Variants in ALAS1 observed in about 807,000 individuals in gnomAD.
ALAS1 encodes 5'-aminolevulinate synthase 1, also known as 5-aminolevulinate synthase, non-specific, mitochondrial.
Under a neutral mutation model 59.6 loss-of-function variants are expected in ALAS1, and 29 were observed. The ratio of observed to expected loss-of-function variants is 0.49; its 90% confidence interval spans 0.36 to 0.66. ALAS1 has a LOEUF of 0.66. Among genes scored for constraint, ALAS1 ranks in the 30% least tolerant of loss-of-function variants. The pLI, the probability that ALAS1 is intolerant of heterozygous loss-of-function variation, is 0.00. For missense variants in ALAS1, 690 were observed against 807.5 expected (o/e 0.85, Z 1.76); for synonymous variants, 299 against 296.6 (o/e 1.01, Z -0.08).
In ALAS1 at chr3:52,202,557, C is replaced by T. The variant is rs1365625601; in HGVS notation, c.250C>T (p.Gln84Ter). 2.5e-6 allele frequency: 4 copies of T among 1,614,084 alleles called. No individual in the cohort carries two copies. The highest frequency in any genetic ancestry group is 2.5e-6 in the Non-Finnish European group (3 of 1,180,044). ...KVQQTPDGSQQSPDGTQLPSG... is the reference protein window; with the variant it reads ...KVQQTPDGSQ ...CCAACAGACTCCTGATGGATCCCAG[C>T]AGAGTCCAGATGGCACACAGCTTCC... is the stretch of plus-strand genomic sequence containing the variant. Residue 84 changes from glutamine (Q) to a stop codon, truncating the protein, a stop_gained, in exon 4 of 12, where the codon CAG (glutamine) becomes TAG (stop). Transcript: ENST00000484952. LOFTEE classifies it high-confidence loss of function.
At chr3:52,208,501 G>C (rs1015613661) in intron 9 of ALAS1, among the ~76,000 whole-genome samples, 4 of 152,156 alleles carry the variant, frequency 2.6e-5, no homozygotes, top group Non-Finnish European at 5.9e-5. Context: ...CATAGTTGTG[G>C]GTCTAGCCCC....
At chr3:52,209,954 A>G (rs1699372097) in intron 9 of ALAS1, among the ~76,000 whole-genome samples, 4 of 152,202 alleles carry the variant, frequency 2.6e-5, no homozygotes, top group Admixed American at 2.6e-4. Flanking sequence ...TTCTGGGACT[A>G]TAGGTGTGAG....
upstream of ALAS1, chr3:52,198,158 T>A: frequency 2.5e-6 from 1 of 398,548 alleles, no homozygotes; most frequent in African/African-American, 2.1e-5. Flanking sequence ...GATCGCGGCC[T>A]GAGGCTGCTC....
chr3:52,202,008 T>G (rs1264783239), intron 3 of ALAS1, among the ~76,000 whole-genome samples: 2 of 152,216 alleles, frequency 1.3e-5, no homozygotes, highest in African/African-American at 4.8e-5. Context: ...GACGCATTGT[T>G]TCCTGTGAAG....
intron 9 of ALAS1, among the ~76,000 whole-genome samples, chr3:52,209,271 G>A (rs148992702): frequency 1.1e-3 from 170 of 152,082 alleles, no homozygotes; most frequent in African/African-American, 3.9e-3. Context: ...GCAGTGGCGC[G>A]ATCTCAGCTC....
rs762046014 is a variant in ALAS1 at position 52,203,894 on chromosome 3, G to A, written c.459G>A (p.Val153=). 2 of 1,611,014 alleles carry A rather than the reference G, an allele frequency of 1.2e-6. No homozygotes were observed. Among genetic ancestry groups the A allele is most frequent in the Non-Finnish European group, 1.7e-6 (2 of 1,178,476 alleles). ...CTGAAACCTCAGCAGGCCCCAGTGT[G>A]GTTAGTGTGAAAACCGATGGAGGGG... ...EVAETSAGPS[V]VSVKTDGGDP... is the part of the protein sequence containing the mutation. Residue 153 remains valine (V), a synonymous_variant, in exon 5 of 12, where the codon GTG becomes GTA. Coordinates refer to ENST00000484952, the MANE Select transcript of ALAS1 (RefSeq NM_000688.6).
chr3:52,199,222 A>T lies in ALAS1; in HGVS notation c.-20A>T. 2 of 1,614,086 alleles carry T rather than the reference A, an allele frequency of 1.2e-6. No homozygotes were observed. The highest frequency in any genetic ancestry group is 1.7e-6 in the Non-Finnish European group (2 of 1,179,994). ...CACTCTTCATCAGTCTTTCCACAGG[A>T]GCCAGCATACTTCCTGAACATGGAG... On this transcript the variant is annotated 5_prime_UTR_variant, in exon 3 of 12. Transcript: ENST00000484952.
intron 5 of ALAS1, among the ~76,000 whole-genome samples, chr3:52,204,473 A>G (rs923283620): frequency 4.6e-5 from 7 of 152,236 alleles, no homozygotes; most frequent in Admixed American, 4.6e-4. Context: ...TGGTGACTAC[A>G]GGTGCTGTTG....
At chr3:52,207,338 G>A (rs1399722955) in intron 8 of ALAS1, among the ~76,000 whole-genome samples, 3 of 151,836 alleles carry the variant, frequency 2.0e-5, no homozygotes, top group Non-Finnish European at 4.4e-5. Context: ...GGGTTTCACT[G>A]TGTTAGTCAG....
At chr3:52,209,356 C>T (rs774231461) in intron 9 of ALAS1, among the ~76,000 whole-genome samples, 1 of 152,120 alleles carries the variant, frequency 6.6e-6, no homozygotes, top group Non-Finnish European at 1.5e-5. Context: ...TACAGGCACC[C>T]GCCACCATGC....
chr3:52,200,860 T>A (rs1699173458), intron 3 of ALAS1, among the ~76,000 whole-genome samples: 1 of 152,182 alleles, frequency 6.6e-6, no homozygotes, highest in Non-Finnish European at 1.5e-5. Flanking sequence ...TCTCTGGGTG[T>A]GGGCTTGTAA....
At chr3:52,200,344 CCT>C (rs1699162929) in intron 3 of ALAS1, among the ~76,000 whole-genome samples, 2 of 152,178 alleles carry the variant, frequency 1.3e-5, no homozygotes, top group Non-Finnish European at 2.9e-5. Flanking sequence ...CTCCCCAACC[CCT>C]GACAACCACC....
chr3:52,202,553 C>T lies in ALAS1; in HGVS notation c.246C>T (p.Ser82=). The T allele has an allele frequency of 6.2e-7, 1 of 1,614,190 alleles. No individual in the cohort carries two copies. The highest frequency in any genetic ancestry group is 8.5e-7 in the Non-Finnish European group (1 of 1,180,032). Residue 82 remains serine (S), a synonymous_variant, in exon 4 of 12, where the codon TCC becomes TCT. Transcript: ENST00000484952. Reference sequence around the variant, plus strand: ...AGGTCCAACAGACTCCTGATGGATCCCAGCAGAGTCCAGATGGCACACAGC... The same window carrying T: ...AGGTCCAACAGACTCCTGATGGATCTCAGCAGAGTCCAGATGGCACACAGC... ...KAKVQQTPDG[S]QQSPDGTQLP...
chr3:52,214,175 G>T lies in ALAS1; in HGVS notation c.1918G>T (p.Ala640Ser). 1 of 1,594,888 alleles carries T rather than the reference G, an allele frequency of 6.3e-7. No individual in the cohort carries two copies. The highest frequency in any genetic ancestry group is 1.1e-5 in the South Asian group (1 of 90,328). The change falls in exon 12 of 12, where the codon GCC (alanine) becomes TCC (serine). Residue 640 changes from alanine to serine, a missense_variant. Coordinates refer to ENST00000484952, the MANE Select transcript of ALAS1 (RefSeq NM_000688.6). ...SGLSKLVSAQ[A>S] The stretch of plus-strand genomic sequence containing the variant: ...CTTGAGCAAGTTGGTATCTGCTCAG[G>T]CCTGAGCATGACCTCAATTATTTCA...
chr3:52,211,997 T>C (rs1699419579), intron 10 of ALAS1, among the ~76,000 whole-genome samples: 1 of 152,246 alleles, frequency 6.6e-6, no homozygotes, highest in Non-Finnish European at 1.5e-5. Flanking sequence ...GAGAGTCTGC[T>C]GGTACGAACA....
At position 52,213,949 on chromosome 3, in the gene ALAS1, G is replaced by C. The variant is rs528935323; in HGVS notation, c.1763-71G>C. 51 of 1,387,422 alleles carry C rather than the reference G, an allele frequency of 3.7e-5. No homozygotes were observed. In the Middle Eastern group the frequency reaches 9.5e-4, roughly 26 times the overall value. 85.9% of individuals were successfully genotyped at this position (1,387,422 alleles called of 1,614,324 possible). Reference sequence around the variant, plus strand: ...TATGAACATTTGTGTACAAGTTTTTGTGTGGACATATGTTTTCATTTCTCT... The same window carrying C: ...TATGAACATTTGTGTACAAGTTTTTCTGTGGACATATGTTTTCATTTCTCT... On this transcript the variant is annotated intron_variant, in intron 11 of 11. Coordinates refer to ENST00000484952, the MANE Select transcript of ALAS1 (RefSeq NM_000688.6).
At chr3:52,203,501 A>G (rs1699231767) in intron 4 of ALAS1, among the ~76,000 whole-genome samples, 1 of 152,022 alleles carries the variant, frequency 6.6e-6, no homozygotes. Flanking sequence ...AGATCGTGCC[A>G]CTGCTCTCCA....
intron 8 of ALAS1, among the ~76,000 whole-genome samples, chr3:52,207,605 A>G (rs1279093803): frequency 6.6e-6 from 1 of 152,048 alleles, no homozygotes; most frequent in African/African-American, 2.4e-5. Flanking sequence ...ATAGTACCCA[A>G]TGGTAGTTTT....
intron 4 of ALAS1, 147 bp from the exon 5 acceptor site, chr3:52,203,716 T>G: frequency 2.5e-6 from 2 of 812,994 alleles, no homozygotes; most frequent in South Asian, 2.1e-5. Flanking sequence ...AAGAGATGCT[T>G]TGTACACTCA....
Sources: gnomAD v4.1 joint callset for allele counts (sites outside exome capture counted in the v4.1 genomes callset) on GRCh38, gnomAD v4.1.1 for gene constraint, MANE v1.5 for transcripts, NCBI Gene and HGNC (gene_info 2026-07-23, HGNC 2026-07-21) for gene names.